The following GDPD3 variants were observed in gnomAD, a reference collection of about 807,000 sequenced individuals.
The protein encoded by GDPD3 is lysophospholipase D GDPD3.
Under a neutral mutation model 43.7 loss-of-function variants are expected in GDPD3, and 40 were observed. The ratio of observed to expected loss-of-function variants is 0.91; its 90% CI spans 0.71 to 1.19. The LOEUF is 1.19. GDPD3 is among the 50% of genes most tolerant of loss of function. GDPD3 has a pLI of 0.00. For missense variants in GDPD3, 363 were observed against 415.8 expected (o/e 0.87, Z 1.11); for synonymous variants, 145 against 162.9 (o/e 0.89, Z 0.84).
At chr16:30,107,986 GACACACAC>G (rs113091799) in intron 9 of GDPD3, 84 of 269,274 alleles carry the variant, frequency 3.1e-4, no homozygotes, top group African/African-American at 1.3e-3. Context: ...TGAGACTCTT[GACACACAC>G]ACACACACAC....
At chr16:30,105,100 C>CCTACTGCTGCTGGGG in intron 9 of GDPD3, 91 bp from the exon 10 acceptor site, 4 of 1,029,132 alleles carry the variant, frequency 3.9e-6, no homozygotes, top group Non-Finnish European at 5.7e-6. Flanking sequence ...GACTCCCCAG[C>CCTACTGCTGCTGGGG]AGCAGTAGGC....
In GDPD3 at chr16:30,111,495, T is replaced by G. The variant is rs1283234818; in HGVS notation, c.600A>C (p.Thr200=). The change falls in exon 7 of 10, where the codon ACA becomes ACC. Residue 200 remains threonine, a synonymous_variant. Transcript: ENST00000406256. ...GCAGCACCCAGAATCCTCGGCTTAT[T>G]GTGAAGGACAGGGGCATCTCGGGGT... is the stretch of plus-strand genomic sequence containing the variant. The part of the protein sequence containing the change: ...AANPEMPLSF[T]ISRGFWVLLS... 1 of 1,613,928 alleles carries G rather than the reference T, an allele frequency of 6.2e-7. No individual in the cohort carries two copies. Among genetic ancestry groups the G allele is most frequent in the Admixed American group, 1.7e-5 (1 of 59,978 alleles).
chr16:30,113,037 A>G lies in GDPD3; in HGVS notation c.167T>C (p.Met56Thr), dbSNP rs752169145. 6.2e-7 allele frequency: 1 copy of G among 1,613,462 alleles called. No homozygotes were observed. Among genetic ancestry groups the G allele is most frequent in the Non-Finnish European group, 8.5e-7 (1 of 1,179,806 alleles). ...GGSGELLENT[M>T]EAMENSMAQR... is the part of the protein sequence containing the mutation. ...ATACACTCACTTCTCCATGGCCTCC[A>G]TGGTGTTCTCCAGCAGCTCTCCAGA... is the stretch of plus-strand genomic sequence containing the variant. The change falls in exon 2 of 10, where the codon ATG becomes ACG. Residue 56 changes from methionine to threonine, a missense_variant. Transcript: ENST00000406256. The surrounding 1 kb of genome is among the most constrained non-coding windows in gnomAD (Gnocchi z 5.9).
In GDPD3 at chr16:30,110,288, G is replaced by A. The variant is rs980224045; in HGVS notation, c.707+1100C>T. 5.3e-5 allele frequency among the ~76,000 whole-genome samples: 8 copies of A among 151,746 alleles called. No individual in the cohort carries two copies. The East Asian group carries it at 9.7e-4, about 18-fold the overall frequency. ...TACTAAAAACACAAAAAAATTAGCC[G>A]GGTGTGGTGGCGGGCGCCTGTAGTC... On this transcript the variant is annotated intron_variant, in intron 7 of 9. Transcript: ENST00000406256.
At chr16:30,105,410 T>C (rs1314683841) in intron 9 of GDPD3, among the ~76,000 whole-genome samples, 1 of 151,512 alleles carries the variant, frequency 6.6e-6, no homozygotes, top group Non-Finnish European at 1.5e-5. Flanking sequence ...TGAGCTATGG[T>C]TGCACCACTG....
chr16:30,108,073 A>G, intron 9 of GDPD3, 140 bp downstream of exon 9: 1 of 642,806 alleles, frequency 1.6e-6, no homozygotes, highest in East Asian at 2.8e-5. Context: ...AGAGAGTTAA[A>G]TATACCATTT....
chr16:30,112,110 G>C lies in GDPD3; in HGVS notation c.573+22C>G. The C allele has an allele frequency of 3.1e-6, 5 of 1,599,430 alleles. No homozygotes were observed. The highest frequency in any genetic ancestry group is 4.3e-6 in the Non-Finnish European group (5 of 1,167,502). On this transcript the variant is annotated intron_variant, in intron 6 of 9. Coordinates refer to ENST00000406256, the MANE Select transcript of GDPD3 (RefSeq NM_024307.3). This position sits in a 1 kb window ranked among gnomAD's most constrained non-coding sequence, Gnocchi z 5.4. ...GGGCCCCTGGAGGAGGAAGAGGACG[G>C]GGGAGGGGTGGGGGGACTCACGGCA...
Position 30,112,195 on chromosome 16 carries a change from GTCATAGCGTCTCACCAAGCCTGCTA to G in GDPD3, c.485_509del (p.Ile162ThrfsTer16), listed in dbSNP as rs1271021387. 1.2e-6 allele frequency: 2 copies of G among 1,614,016 alleles called. No individual in the cohort carries two copies. The highest frequency in any genetic ancestry group is 1.7e-6 in the Non-Finnish European group (2 of 1,180,028). On this transcript the variant is annotated frameshift_variant and splice_region_variant, in exon 6 of 10. Transcript: ENST00000406256. LOFTEE classifies it high-confidence loss of function. The surrounding 1 kb of genome is among the most constrained non-coding windows in gnomAD (Gnocchi z 5.4). ...AGGCCCAGATGGTGATTTCATTACG[GTCATAGCGTCTCACCAAGCCTGCTA>G]TCTGGGAGGAGGAGAAGGAGGTGAA...
chr16:30,113,327 C>T lies in GDPD3; in HGVS notation c.139+13G>A. 1.3e-6 allele frequency: 2 copies of T among 1,587,816 alleles called. No homozygotes were observed. The highest frequency in any genetic ancestry group is 1.3e-5 in the African/African-American group (1 of 74,614). ...TCCACTTTGGCACCTGTTCTCACCC[C>T]TACCCGGCTCACCTCCTCGGTGGGC... On this transcript the variant is annotated intron_variant, in intron 1 of 9. Transcript: ENST00000406256. The surrounding 1 kb of genome is among the most constrained non-coding windows in gnomAD (Gnocchi z 5.9).
At chr16:30,108,121 C>T (rs1369594678) in intron 9 of GDPD3, 92 bp downstream of exon 9, 3 of 1,155,322 alleles carry the variant, frequency 2.6e-6, no homozygotes, top group South Asian at 3.0e-5. Flanking sequence ...GTGAGGTCAC[C>T]TGCCCGAGTG....
Position 30,104,986 on chromosome 16 carries a change from T to C in GDPD3, c.843A>G (p.Glu281=), listed in dbSNP as rs1450345113. The C allele has an allele frequency of 6.2e-7, 1 of 1,611,146 alleles. No individual in the cohort carries two copies. The highest frequency in any genetic ancestry group is 8.5e-7 in the Non-Finnish European group (1 of 1,179,162). ...GVQVVFWCLN[E]ESDFEAAFSV... ...TGAAGGCTGCTTCAAAATCCGACTC[T>C]TCATTAAGGCACCAAAAGACCACCT... The change falls in exon 10 of 10, where the codon GAA becomes GAG. Residue 281 remains glutamate, a synonymous_variant. Coordinates refer to ENST00000406256, the MANE Select transcript of GDPD3 (RefSeq NM_024307.3).
chr16:30,113,212 T>C lies in GDPD3; in HGVS notation c.139+128A>G. 7.1e-7 allele frequency: 1 copy of C among 1,402,434 alleles called. No individual in the cohort carries two copies. 86.9% of individuals were successfully genotyped at this position (1,402,434 alleles called of 1,614,324 possible). A position where few individuals can be genotyped will look rare whatever the true frequency, so the allele number is the denominator to read the frequency against. On this transcript the variant is annotated intron_variant, in intron 1 of 9. Coordinates refer to ENST00000406256, the MANE Select transcript of GDPD3 (RefSeq NM_024307.3). The surrounding 1 kb of genome is among the most constrained non-coding windows in gnomAD (Gnocchi z 5.9). ...GGCTGCGCCAGCATCTTCTTCCTCG[T>C]CCACACCCTGCCCTGCCACTTCGCT...
chr16:30,105,600 G>A (rs2072853843), intron 9 of GDPD3, among the ~76,000 whole-genome samples: 5 of 151,186 alleles, frequency 3.3e-5, no homozygotes, highest in African/African-American at 9.7e-5. Context: ...TGCCTCCCGG[G>A]TTCACACCAT....
chr16:30,111,688 T>C (rs1389014290), intron 6 of GDPD3, 167 bp from the exon 7 acceptor site: 1 of 678,842 alleles, frequency 1.5e-6, no homozygotes, highest in Non-Finnish European at 2.5e-6. Flanking sequence ...ACCTCAGCAG[T>C]TTGGGAGGCT....
At chr16:30,106,527 ATT>A (rs2072862129) in intron 9 of GDPD3, among the ~76,000 whole-genome samples, 1 of 151,892 alleles carries the variant, frequency 6.6e-6, no homozygotes, top group Non-Finnish European at 1.5e-5. Flanking sequence ...GGAGATGGGA[ATT>A]TTTTATTTAA....
At chr16:30,105,542 T>A (rs2151039133) in intron 9 of GDPD3, among the ~76,000 whole-genome samples, 1 of 151,358 alleles carries the variant, frequency 6.6e-6, no homozygotes, top group South Asian at 2.1e-4. Flanking sequence ...TCTTGGTTTG[T>A]CACCCGGGCT....
chr16:30,108,138 CTA>C, intron 9 of GDPD3, 73 bp downstream of exon 9: 1 of 1,324,210 alleles, frequency 7.6e-7, no homozygotes, highest in Non-Finnish European at 1.0e-6. Context: ...AGTGATGCAG[CTA>C]GTTGGCAGCA....
chr16:30,108,444 A>G lies in GDPD3; in HGVS notation c.708-12T>C. ...ATGGGAAATAGGTCCTGCAGAGAGA[A>G]GGAAGTGGGGGTTAGCTCCTAGGGT... On this transcript the variant is annotated splice_polypyrimidine_tract_variant and intron_variant, in intron 7 of 9. Transcript: ENST00000406256. The G allele has an allele frequency of 6.2e-7, 1 of 1,613,744 alleles. No homozygotes were observed. The highest frequency in any genetic ancestry group is 8.5e-7 in the Non-Finnish European group (1 of 1,179,792).
At chr16:30,109,233 GATA>G (rs1466019243) in intron 7 of GDPD3, among the ~76,000 whole-genome samples, 1 of 152,190 alleles carries the variant, frequency 6.6e-6, no homozygotes, top group East Asian at 1.9e-4. Context: ...AAAGTGCCAG[GATA>G]ATAAGCACGA....
Sources: allele counts gnomAD v4.1 joint callset (sites outside exome capture counted in the v4.1 genomes callset), GRCh38; gene constraint gnomAD v4.1.1; non-coding constraint Gnocchi (gnomAD v3.1); transcripts MANE v1.5; gene names NCBI Gene and HGNC (gene_info 2026-07-23, HGNC 2026-07-21).